The following C22orf23 variants were observed in gnomAD, a reference collection of about 807,000 sequenced individuals.
C22orf23 encodes the protein chromosome 22 open reading frame 23, also known as UPF0193 protein EVG1.
In C22orf23, 30 loss-of-function variants were observed where a neutral mutation model predicts 29.7. The ratio of observed to expected loss-of-function variants is 1.01; its 90% confidence interval spans 0.76 to 1.37. The LOEUF is 1.37. Among genes scored for constraint, C22orf23 ranks in the 40% most tolerant of loss-of-function variants. C22orf23 has a pLI of 0.00. For missense variants in C22orf23, 237 were observed against 273.1 expected (o/e 0.87, Z 0.93); for synonymous variants, 90 against 96.1 (o/e 0.94, Z 0.37).
At chr22:37,945,235 T>C in intron 4 of C22orf23, 62 bp from the exon 5 acceptor site, 1 of 1,562,470 alleles carries the variant, frequency 6.4e-7, no homozygotes, top group Non-Finnish European at 8.6e-7. Context: ...TCATGGTCTG[T>C]GTTCCCAAGT....
Position 37,944,191 on chromosome 22 carries a change from C to G in C22orf23, c.638G>C (p.Gly213Ala). Residue 213 changes from glycine (G) to alanine (A), a missense_variant, in exon 7 of 7, where the codon GGT becomes GCT. Coordinates refer to ENST00000403305, the MANE Select transcript of C22orf23 (RefSeq NM_032561.5). ...GGAGACAGATTAAGTGGTGGCAAGA[C>G]CCTTCCTAAGTTCCTCACTCCTTCT... ...DHRRSEELRKGLATT is the reference protein window; with the variant it reads ...DHRRSEELRKALATT The G allele has an allele frequency of 6.2e-7, 1 of 1,614,192 alleles. No homozygotes were observed. Among genetic ancestry groups the G allele is most frequent in the African/African-American group, 1.3e-5 (1 of 75,048 alleles).
rs1161392697 is a variant in C22orf23, at chr22:37,947,275, A to G, written c.349+6T>C. On this transcript the variant is annotated splice_donor_region_variant and intron_variant, in intron 4 of 6. Transcript: ENST00000403305. ...GAGAAAGGCCCTAGCTGAGACCCTC[A>G]CTTACTGGTGGCTTGAGGCTTGAAC... The G allele has an allele frequency of 3.1e-6, 5 of 1,613,798 alleles. No homozygotes were observed. The South Asian group carries it at 5.5e-5, about 18-fold the overall frequency.
intron 3 of C22orf23, chr22:37,951,040 G>A (rs192371492): frequency 1.1e-3 from 183 of 161,346 alleles, no homozygotes; most frequent in East Asian, 2.1e-3. Flanking sequence ...ATGAAACGCC[G>A]TCTCTACTAA....
intron 3 of C22orf23, among the ~76,000 whole-genome samples, chr22:37,948,106 C>A (rs1046234234): frequency 6.8e-6 from 1 of 147,536 alleles, no homozygotes; most frequent in African/African-American, 2.5e-5. Context: ...GACTTCGTCT[C>A]AAAAAAAAAT....
At chr22:37,949,235 CCACCTCT>C (rs1310593080) in intron 3 of C22orf23, among the ~76,000 whole-genome samples, 1 of 151,858 alleles carries the variant, frequency 6.6e-6, no homozygotes, top group Non-Finnish European at 1.5e-5. Context: ...TCAGTTGACC[CCACCTCT>C]CAACTGCCAT....
intron 3 of C22orf23, chr22:37,951,182 A>G (rs369840648): frequency 3.7e-6 from 1 of 272,156 alleles, no homozygotes. Flanking sequence ...ACTGCACTCC[A>G]GCCTGGGCGA....
Position 37,953,177 on chromosome 22 carries a change from A to C in C22orf23, c.-9-19T>G. 6.6e-7 allele frequency: 1 copy of C among 1,515,122 alleles called. No homozygotes were observed. The allele number at this position is 1,515,122 out of a possible 1,614,324, so 93.9% of individuals were successfully genotyped here. On this transcript the variant is annotated intron_variant, in intron 1 of 6. Transcript: ENST00000403305. Reference sequence around the variant, plus strand: ...GAGGACTCTGAGGAGGGAAAGACGCAATGACACACCCCCTGTCTCCTGTCC... The same window carrying C: ...GAGGACTCTGAGGAGGGAAAGACGCCATGACACACCCCCTGTCTCCTGTCC...
In C22orf23 at chr22:37,953,447, C is replaced by T. The variant is rs1931198937; in HGVS notation, c.-10+1G>A. 1.8e-6 allele frequency: 1 copy of T among 543,130 alleles called. No individual in the cohort carries two copies. The highest frequency in any genetic ancestry group is 1.9e-5 in the African/African-American group (1 of 51,626). 33.6% of individuals were successfully genotyped at this position (543,130 alleles called of 1,614,324 possible). ...GTGATATGCCAAAATTGAAATTTCA[C>T]CCTAAGACCCTCTCTGGGTGCTCCC... is the stretch of plus-strand genomic sequence containing the variant. On this transcript the variant is annotated splice_donor_variant, in intron 1 of 6. Transcript: ENST00000403305. LOFTEE classifies it low-confidence loss of function (5UTR_SPLICE).
chr22:37,944,274 G>A (rs762881612), intron 6 of C22orf23, 28 bp from the exon 7 acceptor site: 2 of 1,614,200 alleles, frequency 1.2e-6, no homozygotes, highest in Non-Finnish European at 1.7e-6. Context: ...GAAAGCAGGT[G>A]TATCAGGGCT....
rs1930514410 is a variant in C22orf23 at position 37,943,379 on chromosome 22, ACCTTTTCAT to A, written c.*787_*795del. The A allele has an allele frequency of 6.6e-6, 1 of 152,144 alleles. No homozygotes were observed. The highest frequency in any genetic ancestry group is 2.1e-4 in the South Asian group (1 of 4,822). The allele number at this position is 152,144 out of a possible 1,614,324, so 9.4% of individuals were successfully genotyped here. ...CAGGCCAGGGCTCTAGGTCGCTCCCACCTTTTCATGTTTCTTTCTGTGGCCATGGGTATA... is the reference window on the plus strand; with the variant it reads ...CAGGCCAGGGCTCTAGGTCGCTCCCAGTTTCTTTCTGTGGCCATGGGTATA... On this transcript the variant is annotated 3_prime_UTR_variant, in exon 7 of 7. Transcript: ENST00000403305.
chr22:37,951,632 A>T (rs1931016469), intron 2 of C22orf23, 110 bp from the exon 3 acceptor site: 5 of 804,874 alleles, frequency 6.2e-6, no homozygotes, highest in Non-Finnish European at 1.0e-5. Context: ...TGCACTGAGC[A>T]TGCCTTCTCT....
chr22:37,948,487 G>T (rs1369493480), intron 3 of C22orf23, among the ~76,000 whole-genome samples: 5 of 151,922 alleles, frequency 3.3e-5, no homozygotes, highest in Admixed American at 3.3e-4. Context: ...TGGGCGTGGT[G>T]ATGCAGGCCT....
chr22:37,945,174 C>T lies in C22orf23; in HGVS notation c.350-1G>A, dbSNP rs1330566885. 6.2e-7 allele frequency: 1 copy of T among 1,609,554 alleles called. No homozygotes were observed. The highest frequency in any genetic ancestry group is 8.5e-7 in the Non-Finnish European group (1 of 1,178,550). The stretch of plus-strand genomic sequence containing the variant: ...CTTTGTTTCTCCTTCTCCAAATCCC[C>T]TGTAGGGCCAAAAAGAAATGGCCTA... On this transcript the variant is annotated splice_acceptor_variant, in intron 4 of 6. Transcript: ENST00000403305. LOFTEE classifies it high-confidence loss of function.
chr22:37,949,631 G>A (rs1930901820), intron 3 of C22orf23, among the ~76,000 whole-genome samples: 2 of 151,330 alleles, frequency 1.3e-5, no homozygotes, highest in South Asian at 4.2e-4. Context: ...GCTAATTTTT[G>A]TATTTTTAGT....
chr22:37,951,557 C>A (rs1213961232), intron 2 of C22orf23, 35 bp from the exon 3 acceptor site: 7 of 1,603,370 alleles, frequency 4.4e-6, no homozygotes, highest in Admixed American at 1.7e-5. Flanking sequence ...GCCTCTTGGG[C>A]TGCAGGCGGA....
intron 3 of C22orf23, 120 bp downstream of exon 3, chr22:37,951,340 C>T: frequency 1.1e-6 from 1 of 882,484 alleles, no homozygotes; most frequent in Non-Finnish European, 1.8e-6. Flanking sequence ...AGGCATGAGC[C>T]ACGTGCCCGG....
chr22:37,944,131 C>A lies in C22orf23; in HGVS notation c.*44G>T. 6.4e-7 allele frequency: 1 copy of A among 1,572,120 alleles called. No homozygotes were observed. Among genetic ancestry groups the A allele is most frequent in the South Asian group, 1.1e-5 (1 of 90,256 alleles). On this transcript the variant is annotated 3_prime_UTR_variant, in exon 7 of 7. Transcript: ENST00000403305. ...GCCCTGCCTGGCAGAGGAGTGGACT[C>A]CAGTGGTCGAGCTTGGGCTACCCTG...
chr22:37,945,994 C>T (rs1601847506), intron 4 of C22orf23, among the ~76,000 whole-genome samples: 1 of 151,572 alleles, frequency 6.6e-6, no homozygotes, highest in East Asian at 2.0e-4. Context: ...CGCGGTAGCT[C>T]ATGCCTGTAA....
Position 37,953,036 on chromosome 22 carries a change from A to G in C22orf23, c.103+11T>C, listed in dbSNP as rs778208450. The stretch of plus-strand genomic sequence containing the variant: ...CCAAAAAGGCTGGGATCGCTGCTTT[A>G]ACGGACTGACCTCTGAGCAGCTCGC... On this transcript the variant is annotated intron_variant, in intron 2 of 6. Coordinates refer to ENST00000403305, the MANE Select transcript of C22orf23 (RefSeq NM_032561.5). 2 of 1,603,016 alleles carry G rather than the reference A, an allele frequency of 1.2e-6. No individual in the cohort carries two copies. Among genetic ancestry groups the G allele is most frequent in the Admixed American group, 1.7e-5 (1 of 57,674 alleles).
Sources: gnomAD v4.1 joint callset for allele counts (sites outside exome capture counted in the v4.1 genomes callset) on GRCh38, gnomAD v4.1.1 for gene constraint, MANE v1.5 for transcripts, NCBI Gene and HGNC (gene_info 2026-07-23, HGNC 2026-07-21) for gene names.